NAA16: variants seen among roughly 807,000 people sequenced by gnomAD.
The protein encoded by NAA16 is N-alpha-acetyltransferase 16, NatA auxiliary subunit.
Under a neutral mutation model 110.3 loss-of-function variants are expected in NAA16, and 97 were observed. The observed-to-expected ratio is 0.88, with a 90% CI of 0.75 to 1.04. The LOEUF (loss-of-function observed/expected upper bound fraction) is 1.04. NAA16 is among the 50% of genes least tolerant of loss of function. NAA16 has a pLI of 0.00. For synonymous variants in NAA16, 372 were observed against 330.6 expected (o/e 1.13, Z -1.36); for missense variants, 1,017 against 1,005.1 (o/e 1.01, Z -0.16).
intron 9 of NAA16, 58 bp downstream of exon 9, chr13:41,336,814 A>T: frequency 1.0e-6 from 1 of 971,420 alleles, no homozygotes; most frequent in Non-Finnish European, 1.6e-6. Flanking sequence ...CTGTAGAAAG[A>T]TGTCCATGTA....
intron 7 of NAA16, among the ~76,000 whole-genome samples, chr13:41,330,689 C>T (rs1011983682): frequency 1.6e-4 from 25 of 151,874 alleles, no homozygotes; most frequent in Admixed American, 9.2e-4. Flanking sequence ...AATTAGGTGT[C>T]TCTTGGGTGG....
Position 41,358,470 on chromosome 13 carries a change from C to T in NAA16, c.1254C>T (p.Tyr418=). 1.9e-6 allele frequency: 3 copies of T among 1,612,896 alleles called. No individual in the cohort carries two copies. The highest frequency in any genetic ancestry group is 2.5e-6 in the Non-Finnish European group (3 of 1,179,022). The change falls in exon 11 of 20, where the codon TAC becomes TAT. Residue 418 remains tyrosine, a synonymous_variant. Coordinates refer to ENST00000379406, the MANE Select transcript of NAA16 (RefSeq NM_024561.5). Reference sequence around the variant, plus strand: ...TATTCTATATGAAAGCAAAAATTTACAAGGTAAAATCTGAATCCTGTTTTT... The same window carrying T: ...TATTCTATATGAAAGCAAAAATTTATAAGGTAAAATCTGAATCCTGTTTTT... ...IELFYMKAKI[Y]KHIGNLKEAA...
At chr13:41,356,708 A>T (rs554592640) in intron 10 of NAA16, among the ~76,000 whole-genome samples, 1 of 152,294 alleles carries the variant, frequency 6.6e-6, no homozygotes, top group African/African-American at 2.4e-5. Flanking sequence ...TTAATCTAGA[A>T]CAATAACTCT....
At chr13:41,311,641 G>T in intron 1 of NAA16, 59 bp downstream of exon 1, 1 of 1,527,550 alleles carries the variant, frequency 6.5e-7, no homozygotes, top group Non-Finnish European at 8.9e-7. Flanking sequence ...GGCCTTAAGG[G>T]CAAGCGGTCT....
At chr13:41,319,075 G>A (rs2041880910) in intron 3 of NAA16, among the ~76,000 whole-genome samples, 165 bp downstream of exon 3, 1 of 152,084 alleles carries the variant, frequency 6.6e-6, no homozygotes, top group Admixed American at 6.5e-5. Flanking sequence ...TGTAATACTA[G>A]TTTCTTTTTT....
At chr13:41,364,088 A>G (rs1381683526) in intron 13 of NAA16, among the ~76,000 whole-genome samples, 1 of 152,102 alleles carries the variant, frequency 6.6e-6, no homozygotes, top group Non-Finnish European at 1.5e-5. Context: ...AGTAATTACA[A>G]GCTTCAGATT....
chr13:41,343,440 TTTAA>T (rs1412513299), intron 9 of NAA16, among the ~76,000 whole-genome samples: 1 of 152,174 alleles, frequency 6.6e-6, no homozygotes, highest in Non-Finnish European at 1.5e-5. Context: ...TTACTGTGAA[TTTAA>T]TTGTGATGTA....
chr13:41,322,367 T>C (rs144466721), intron 4 of NAA16, among the ~76,000 whole-genome samples: 116 of 152,248 alleles, frequency 7.6e-4, no homozygotes, highest in African/African-American at 2.5e-3. Context: ...AAATTTATGA[T>C]TTCTGGGTGG....
intron 9 of NAA16, among the ~76,000 whole-genome samples, chr13:41,344,105 T>G (rs979126277): frequency 2.0e-5 from 3 of 152,254 alleles, no homozygotes; most frequent in Non-Finnish European, 4.4e-5. Context: ...ATCTTTATAC[T>G]AGCTTTGCTT....
chr13:41,374,664 G>C lies in NAA16; in HGVS notation c.2300-78G>C, dbSNP rs572941552. 30 of 947,866 alleles carry C rather than the reference G, an allele frequency of 3.2e-5. 1 individual carries two copies. The South Asian group carries it at 4.3e-4, about 13-fold the overall frequency. 58.7% of individuals were successfully genotyped at this position (947,866 alleles called of 1,614,324 possible). A position where few individuals can be genotyped will look rare whatever the true frequency, so the allele number is the denominator to read the frequency against. ...TGATTAAACACTTAAAACCATATTT[G>C]AAGTCACTGGCCAGTTGATATCACA... is the stretch of plus-strand genomic sequence containing the variant. On this transcript the variant is annotated intron_variant, in intron 18 of 19. Transcript: ENST00000379406.
intron 15 of NAA16, among the ~76,000 whole-genome samples, chr13:41,371,182 C>A (rs999987648): frequency 6.6e-6 from 1 of 152,128 alleles, no homozygotes; most frequent in African/African-American, 2.4e-5. Flanking sequence ...TGCTTCCAAA[C>A]CATTGCCAGA....
intron 9 of NAA16, among the ~76,000 whole-genome samples, chr13:41,339,796 T>A (rs966153602): frequency 6.6e-6 from 1 of 152,110 alleles, no homozygotes; most frequent in Non-Finnish European, 1.5e-5. Flanking sequence ...TGGCCTTAAG[T>A]GATTCACCCA....
intron 13 of NAA16, among the ~76,000 whole-genome samples, chr13:41,363,043 G>GT (rs2043144521): frequency 6.6e-6 from 1 of 152,120 alleles, no homozygotes; most frequent in Admixed American, 6.5e-5. Flanking sequence ...CTCTGTTTTT[G>GT]TTTTTTGTTT....
chr13:41,327,708 A>G (rs1399858493), intron 6 of NAA16: 1 of 139,120 alleles, frequency 7.2e-6, no homozygotes, highest in Non-Finnish European at 1.5e-5. Flanking sequence ...AAAATTGGCC[A>G]GAAGATAATC....
intron 9 of NAA16, among the ~76,000 whole-genome samples, chr13:41,349,318 T>TG (rs764928985): frequency 3.4e-4 from 52 of 152,164 alleles, no homozygotes; most frequent in Non-Finnish European, 5.9e-4. Context: ...CCCAAGTAGC[T>TG]GGGACTACAG....
chr13:41,354,089 CAT>C lies in NAA16; in HGVS notation c.1015-1054_1015-1053del, dbSNP rs540897603. ...CATTCTGCTTTTTCTCTTATTTACACATGTTCCTTACTGTTAATGTATAGTCC... is the reference window on the plus strand; with the variant it reads ...CATTCTGCTTTTTCTCTTATTTACACGTTCCTTACTGTTAATGTATAGTCC... On this transcript the variant is annotated intron_variant, in intron 9 of 19. Transcript: ENST00000379406. Among the ~76,000 whole-genome samples the C allele has an allele frequency of 1.7e-3, 264 of 152,260 alleles. 3 individuals are homozygous for C. Among genetic ancestry groups the C allele is most frequent in the African/African-American group, 6.1e-3 (253 of 41,530 alleles).
chr13:41,334,641 G>A (rs1282203172), intron 8 of NAA16, among the ~76,000 whole-genome samples: 1 of 152,184 alleles, frequency 6.6e-6, no homozygotes, highest in Non-Finnish European at 1.5e-5. Flanking sequence ...GAAAAAATGA[G>A]ATGGATAAAT....
At chr13:41,368,530 G>C (rs1005898210) in intron 14 of NAA16, among the ~76,000 whole-genome samples, 1 of 152,046 alleles carries the variant, frequency 6.6e-6, no homozygotes, top group Admixed American at 6.6e-5. Flanking sequence ...TAGTCACTGG[G>C]GATACACTTT....
Position 41,328,820 on chromosome 13 carries a change from G to C in NAA16, c.788G>C (p.Gly263Ala), listed in dbSNP as rs200931251. Residue 263 changes from glycine to alanine, a missense_variant, in exon 7 of 20, where the codon GGC becomes GCC. By Grantham distance (60) the Gly-to-Ala change is moderately conservative (BLOSUM62 0). Transcript: ENST00000379406. ...GCAGAAAATTGGTGTTATTATGAAG[G>C]CTTGGAAAAAGCTCTACAAATTAGT... ...RNAENWCYYEGLEKALQISTL... is the reference protein window; with the variant it reads ...RNAENWCYYEALEKALQISTL... The C allele has an allele frequency of 6.2e-7, 1 of 1,603,708 alleles. No individual in the cohort carries two copies. The highest frequency in any genetic ancestry group is 8.5e-7 in the Non-Finnish European group (1 of 1,171,788).
Sources: allele counts gnomAD v4.1 joint callset (sites outside exome capture counted in the v4.1 genomes callset), GRCh38; gene constraint gnomAD v4.1.1; transcripts MANE v1.5; gene names NCBI Gene and HGNC (gene_info 2026-07-23, HGNC 2026-07-21).